PDE9A: variants seen among roughly 807,000 people sequenced by gnomAD.
PDE9A encodes high affinity cGMP-specific 3',5'-cyclic phosphodiesterase 9A.
PDE9A carries 60 observed loss-of-function variants against 87.4 expected under a neutral mutation model. The ratio of observed to expected loss-of-function variants is 0.69; its 90% confidence interval spans 0.56 to 0.85. PDE9A has a LOEUF of 0.85. Ranked by LOEUF, PDE9A falls within the 40% of genes least tolerant of loss-of-function variation. The pLI, the probability that PDE9A is intolerant of heterozygous loss-of-function variation, is 0.00. For missense variants in PDE9A, 665 were observed against 779.0 expected (o/e 0.85, Z 1.74); for synonymous variants, 272 against 279.4 (o/e 0.97, Z 0.27).
chr21:42,707,591 G>T (rs939887915), intron 4 of PDE9A, among the ~76,000 whole-genome samples: 1 of 151,976 alleles, frequency 6.6e-6, no homozygotes, highest in African/African-American at 2.4e-5. Flanking sequence ...CCCTCCCAGG[G>T]CTTCCTGGGC....
At chr21:42,668,008 GA>G (rs941917922) in intron 1 of PDE9A, among the ~76,000 whole-genome samples, 11 of 152,152 alleles carry the variant, frequency 7.2e-5, no homozygotes, top group African/African-American at 2.7e-4. Context: ...AAGTTGGAGA[GA>G]GGGGTGCACA....
At chr21:42,744,516 G>A (rs574320137) in intron 8 of PDE9A, among the ~76,000 whole-genome samples, 134 of 152,288 alleles carry the variant, frequency 8.8e-4, no homozygotes, top group Non-Finnish European at 1.5e-3. Flanking sequence ...AGCATTAGGG[G>A]AGGAGCCTCC....
intron 17 of PDE9A, 51 bp downstream of exon 17, chr21:42,769,206 T>C (rs745604644): frequency 5.1e-6 from 8 of 1,567,740 alleles, no homozygotes; most frequent in Non-Finnish European, 6.1e-6. Flanking sequence ...GATACATGCA[T>C]GCACACACAG....
chr21:42,769,232 C>T, intron 17 of PDE9A, 77 bp downstream of exon 17: 2 of 1,313,706 alleles, frequency 1.5e-6, no homozygotes, highest in Admixed American at 1.8e-5. Context: ...CACACATATA[C>T]ACATATGCAC....
intron 19 of PDE9A, 100 bp downstream of exon 19, chr21:42,772,620 C>A: frequency 2.4e-6 from 2 of 830,466 alleles, no homozygotes; most frequent in South Asian, 1.6e-5. Flanking sequence ...TTTTGGAATA[C>A]CTTTAAATGA....
chr21:42,705,828 C>T lies in PDE9A; in HGVS notation c.262+6817C>T, dbSNP rs923356083. On this transcript the variant is annotated intron_variant, in intron 4 of 19. Coordinates refer to ENST00000291539, the MANE Select transcript of PDE9A (RefSeq NM_002606.3). This position sits in a 1 kb window ranked among gnomAD's most constrained non-coding sequence, Gnocchi z 4.3. ...TTCCTGCCTGCCCTAGGACCCAGGA[C>T]CTGTCTCTAGTCACACACACCCTGT... Among the ~76,000 whole-genome samples the T allele has an allele frequency of 7.2e-5, 11 of 152,200 alleles. No individual in the cohort carries two copies. The highest frequency in any genetic ancestry group is 1.7e-4 in the African/African-American group (7 of 41,558).
chr21:42,677,374 T>C (rs2058904807), intron 1 of PDE9A, among the ~76,000 whole-genome samples: 1 of 152,192 alleles, frequency 6.6e-6, no homozygotes, highest in African/African-American at 2.4e-5. Context: ...TGTTTTTTAA[T>C]GATTTTGAAA....
At chr21:42,689,726 C>G in intron 3 of PDE9A, 1 of 985,414 alleles carries the variant, frequency 1.0e-6, no homozygotes, top group South Asian at 4.7e-5. Flanking sequence ...CAGACAAAAG[C>G]CCTCCTGAGC....
chr21:42,693,218 T>C (rs2059952060), intron 3 of PDE9A, among the ~76,000 whole-genome samples: 1 of 152,160 alleles, frequency 6.6e-6, no homozygotes, highest in Non-Finnish European at 1.5e-5. Context: ...ACGCCTGCTC[T>C]TATTTGAACC....
At chr21:42,758,550 G>A (rs559989516) in intron 10 of PDE9A, 1 of 154,530 alleles carries the variant, frequency 6.5e-6, no homozygotes, top group Non-Finnish European at 1.4e-5. Flanking sequence ...TGCCACCTGT[G>A]CTCAGGTGTG....
Position 42,760,706 on chromosome 21 carries a change from C to G in PDE9A, c.1003-119C>G, listed in dbSNP as rs2055636811. The G allele has an allele frequency of 1.4e-6, 1 of 711,894 alleles. No homozygotes were observed. The highest frequency in any genetic ancestry group is 2.5e-6 in the Non-Finnish European group (1 of 392,252). 44.1% of individuals were successfully genotyped at this position (711,894 alleles called of 1,614,324 possible). On this transcript the variant is annotated intron_variant, in intron 12 of 19. Transcript: ENST00000291539. This position sits in a 1 kb window ranked among gnomAD's most constrained non-coding sequence, Gnocchi z 5.2. Reference sequence around the variant, plus strand: ...TCCTCTCCCACCATGCCAGGAGATGCCAGATGGCTGCAGGGGCCTTTGTCC... The same window carrying G: ...TCCTCTCCCACCATGCCAGGAGATGGCAGATGGCTGCAGGGGCCTTTGTCC...
chr21:42,662,804 A>G (rs1270179477), intron 1 of PDE9A, among the ~76,000 whole-genome samples: 1 of 135,342 alleles, frequency 7.4e-6, no homozygotes, highest in African/African-American at 2.9e-5. Context: ...GCACACACAC[A>G]CCACACACAC....
In PDE9A at chr21:42,760,614, T is replaced by G. The variant is rs2055622285; in HGVS notation, c.1002+182T>G. Among the ~76,000 whole-genome samples the G allele has an allele frequency of 6.6e-6, 1 of 151,642 alleles. No individual in the cohort carries two copies. The highest frequency in any genetic ancestry group is 1.5e-5 in the Non-Finnish European group (1 of 67,898). ...TCAGTCACCCCATGGGCGAGGCTGCTCCTAGGATTACGAGAGCAGGTGAGT... is the reference window on the plus strand; with the variant it reads ...TCAGTCACCCCATGGGCGAGGCTGCGCCTAGGATTACGAGAGCAGGTGAGT... On this transcript the variant is annotated intron_variant, in intron 12 of 19. Transcript: ENST00000291539. The surrounding 1 kb of genome is among the most constrained non-coding windows in gnomAD (Gnocchi z 5.2).
intron 1 of PDE9A, among the ~76,000 whole-genome samples, chr21:42,654,208 C>T (rs2056871774): frequency 6.6e-6 from 1 of 152,140 alleles, no homozygotes; most frequent in African/African-American, 2.4e-5. Context: ...ATCGGCCCGC[C>T]GGGCAGCCCC....
intron 1 of PDE9A, among the ~76,000 whole-genome samples, chr21:42,670,259 T>TCA (rs952649114): frequency 2.3e-5 from 3 of 128,242 alleles, no homozygotes; most frequent in Non-Finnish European, 4.8e-5. Context: ...ATACATACAT[T>TCA]CACACACATA....
chr21:42,666,504 G>A (rs530231435), intron 1 of PDE9A, among the ~76,000 whole-genome samples: 9 of 152,278 alleles, frequency 5.9e-5, no homozygotes, highest in African/African-American at 2.2e-4. Context: ...GCACTCCCCC[G>A]TGTGCATCCG....
intron 1 of PDE9A, among the ~76,000 whole-genome samples, chr21:42,665,975 G>C (rs532596392): frequency 1.3e-5 from 2 of 152,364 alleles, no homozygotes; most frequent in African/African-American, 4.8e-5. Flanking sequence ...TGGACCGTGA[G>C]AAGGGAGTCC....
At chr21:42,716,342 T>C (rs8130333) in intron 4 of PDE9A, among the ~76,000 whole-genome samples, 106,023 of 151,544 alleles carry the variant, frequency 0.7, 39,371 homozygotes, top group East Asian at 0.94. Flanking sequence ...CCATTTTGCA[T>C]TCCCAGCAGC....
chr21:42,768,603 A>AG lies in PDE9A; in HGVS notation c.1461+312dup, dbSNP rs2056620435. On this transcript the variant is annotated intron_variant, in intron 16 of 19. Coordinates refer to ENST00000291539, the MANE Select transcript of PDE9A (RefSeq NM_002606.3). ...AAAGTCAAGAAGCAAGGACTGCAGA[A>AG]GCAGGAGGGGGCCCAGGAGGGCCGA... 4.1e-6 allele frequency: 4 copies of AG among 985,382 alleles called. No individual in the cohort carries two copies. In the African/African-American group the frequency reaches 7.0e-5, roughly 17 times the overall value. The allele number at this position is 985,382 out of a possible 1,614,324, so 61.0% of individuals were successfully genotyped here. A position where few individuals can be genotyped will look rare whatever the true frequency, so the allele number is the denominator to read the frequency against.
Sources: allele counts gnomAD v4.1 joint callset (sites outside exome capture counted in the v4.1 genomes callset), GRCh38; gene constraint gnomAD v4.1.1; non-coding constraint Gnocchi (gnomAD v3.1); transcripts MANE v1.5; gene names NCBI Gene and HGNC (gene_info 2026-07-23, HGNC 2026-07-21).